The following CADPS variants were observed in gnomAD, a reference collection of about 807,000 sequenced individuals.
CADPS encodes the protein calcium dependent secretion activator.
A neutral mutation model predicts 167.3 loss-of-function variants in CADPS; 57 were observed. The observed-to-expected ratio is 0.34, with a 90% confidence interval of 0.28 to 0.42. The LOEUF (loss-of-function observed/expected upper bound fraction) is 0.42, where lower values mean the gene tolerates loss of function less well. CADPS is among the 20% of genes least tolerant of loss of function. CADPS has a pLI of 1.00. For missense variants in CADPS, 1,414 were observed against 1,738.1 expected, an observed-to-expected ratio of 0.81 and a Z score of 3.32; for synonymous variants, 676 against 635.3, an observed-to-expected ratio of 1.06 and a Z score of -0.96.
intron 3 of CADPS, among the ~76,000 whole-genome samples, chr3:62,712,826 A>T (rs1378738151): frequency 6.6e-6 from 1 of 152,206 alleles, no homozygotes; most frequent in Admixed American, 6.5e-5. Context: ...ACAACTGGTC[A>T]TAAATTGTGC....
At chr3:62,519,629 A>T (rs1362369099) in intron 13 of CADPS, among the ~76,000 whole-genome samples, 4 of 152,052 alleles carry the variant, frequency 2.6e-5, no homozygotes, top group African/African-American at 4.8e-5. Flanking sequence ...TTATTAAAAA[A>T]TTTTTTAAGA....
intron 1 of CADPS, among the ~76,000 whole-genome samples, chr3:62,855,060 G>A (rs1367891034): frequency 6.7e-6 from 1 of 149,064 alleles, no homozygotes; most frequent in African/African-American, 2.5e-5. Flanking sequence ...CAGTAGCTGG[G>A]ACTACAGGCA....
chr3:62,751,574 C>T (rs1001773601), intron 3 of CADPS, among the ~76,000 whole-genome samples: 18 of 152,086 alleles, frequency 1.2e-4, no homozygotes, highest in Non-Finnish European at 2.4e-4. Context: ...AGGCATCCTC[C>T]ATCATGCCTG....
At chr3:62,821,249 T>C (rs1483343043) in intron 1 of CADPS, among the ~76,000 whole-genome samples, 2 of 152,184 alleles carry the variant, frequency 1.3e-5, no homozygotes, top group Non-Finnish European at 2.9e-5. Context: ...ATTATACTCA[T>C]AGTTCTGTAG....
chr3:62,454,622 T>C (rs1411828302), intron 26 of CADPS, among the ~76,000 whole-genome samples: 1 of 152,162 alleles, frequency 6.6e-6, no homozygotes, highest in African/African-American at 2.4e-5. Flanking sequence ...TATTATAATA[T>C]TAACTGACCG....
intron 3 of CADPS, among the ~76,000 whole-genome samples, chr3:62,706,052 A>G (rs2082250525): frequency 6.6e-6 from 1 of 152,028 alleles, no homozygotes; most frequent in South Asian, 2.1e-4. Context: ...TGTTGTCACT[A>G]TCTGGGCTGC....
intron 6 of CADPS, among the ~76,000 whole-genome samples, chr3:62,598,063 TTGAG>T (rs1237514560): frequency 1.3e-5 from 2 of 152,244 alleles, no homozygotes; most frequent in Non-Finnish European, 2.9e-5. Flanking sequence ...TTTCATTTTC[TTGAG>T]TATTTCCTCT....
At chr3:62,762,972 G>A (rs1459879494) in intron 2 of CADPS, among the ~76,000 whole-genome samples, 2 of 152,130 alleles carry the variant, frequency 1.3e-5, no homozygotes. Context: ...GTGTGAATGT[G>A]AAAGAGAGGG....
At chr3:62,571,300 T>G (rs942206370) in intron 8 of CADPS, among the ~76,000 whole-genome samples, 1 of 152,196 alleles carries the variant, frequency 6.6e-6, no homozygotes. Flanking sequence ...ACAACTCTTT[T>G]GCATCTTGTC....
At chr3:62,554,943 G>C (rs1032532014) in intron 10 of CADPS, among the ~76,000 whole-genome samples, 2 of 152,076 alleles carry the variant, frequency 1.3e-5, no homozygotes, top group Non-Finnish European at 2.9e-5. Context: ...AGTAGAGATG[G>C]GGTTTCACCA....
Position 62,403,125 on chromosome 3 carries a change from G to C in CADPS, c.3838C>G (p.Gln1280Glu). 6.2e-7 allele frequency: 1 copy of C among 1,613,178 alleles called. No homozygotes were observed. Among genetic ancestry groups the C allele is most frequent in the Non-Finnish European group, 8.5e-7 (1 of 1,179,200 alleles). Residue 1280 changes from glutamine to glutamate, a missense_variant, in exon 29 of 30, where the codon CAG becomes GAG. By Grantham distance (29) the Gln-to-Glu change is conservative. Around this residue, in one of 6 missense-constraint regions of CADPS, gnomAD observed 185 missense variants for 251.5 expected, o/e 0.74. Transcript: ENST00000383710. Reference sequence around the variant, plus strand: ...GTTTTCAACTGATAAATATGAAGCTGTAAGTCCATCCGGTCCGTCAACCAG... The same window carrying C: ...GTTTTCAACTGATAAATATGAAGCTCTAAGTCCATCCGGTCCGTCAACCAG... The part of the protein sequence containing the change: ...CTWLTDRMDL[Q>E]LHIYQLKTLI...
chr3:62,784,870 G>T (rs555209834), intron 1 of CADPS, among the ~76,000 whole-genome samples: 1 of 152,206 alleles, frequency 6.6e-6, no homozygotes, highest in African/African-American at 2.4e-5. Context: ...TTGAATGAGT[G>T]AACTAGAAAA....
intron 3 of CADPS, among the ~76,000 whole-genome samples, chr3:62,721,567 C>A (rs1324186750): frequency 6.6e-6 from 1 of 152,138 alleles, no homozygotes; most frequent in East Asian, 1.9e-4. Flanking sequence ...CTGAAACAGA[C>A]AACTTCCAGA....
chr3:62,681,506 C>G (rs1006728234), intron 3 of CADPS, among the ~76,000 whole-genome samples: 6 of 152,058 alleles, frequency 3.9e-5, no homozygotes, highest in Non-Finnish European at 7.4e-5. Flanking sequence ...TGCCCTTCCA[C>G]TGGCCCTCAC....
At chr3:62,635,708 T>C (rs772557868) in intron 6 of CADPS, among the ~76,000 whole-genome samples, 2 of 151,662 alleles carry the variant, frequency 1.3e-5, no homozygotes, top group Non-Finnish European at 2.9e-5. Flanking sequence ...CTTTTAGGTA[T>C]GGAGCCTCAT....
At chr3:62,742,706 A>G (rs505742) in intron 3 of CADPS, among the ~76,000 whole-genome samples, 73,224 of 152,012 alleles carry the variant, frequency 0.48, 19,220 homozygotes, top group African/African-American at 0.69. Context: ...CATTCAGGAC[A>G]TAGGCACGGC....
chr3:62,776,354 T>C (rs1272162461), intron 1 of CADPS, among the ~76,000 whole-genome samples: 1 of 152,036 alleles, frequency 6.6e-6, no homozygotes, highest in Non-Finnish European at 1.5e-5. Context: ...AGTGACATGG[T>C]TTAAGAACAT....
At chr3:62,576,980 G>A (rs2082412096) in intron 8 of CADPS, among the ~76,000 whole-genome samples, 1 of 151,856 alleles carries the variant, frequency 6.6e-6, no homozygotes, top group Admixed American at 6.6e-5. Flanking sequence ...CTGGGTCACT[G>A]ACATCTCTGT....
At chr3:62,637,898 G>C (rs928454463) in intron 6 of CADPS, among the ~76,000 whole-genome samples, 6 of 151,988 alleles carry the variant, frequency 3.9e-5, no homozygotes, top group Admixed American at 3.9e-4. Flanking sequence ...AATGATGACT[G>C]TGAAATACCT....
Sources: gnomAD v4.1 joint callset for allele counts (sites outside exome capture counted in the v4.1 genomes callset) on GRCh38, gnomAD v4.1.1 for gene constraint, gnomAD v4.1.1 regional missense constraint, MANE v1.5 for transcripts, NCBI Gene and HGNC (gene_info 2026-07-23, HGNC 2026-07-21) for gene names.